The following DNAH5 variants were observed in gnomAD, a reference collection of about 807,000 sequenced individuals.
DNAH5 encodes axonemal beta dynein heavy chain 5.
Under a neutral mutation model 518.2 loss-of-function variants are expected in DNAH5, and 372 were observed. The observed-to-expected ratio is 0.72, with a 90% confidence interval of 0.66 to 0.78. DNAH5 has a LOEUF of 0.78. DNAH5 is among the 30% of genes least tolerant of loss of function. DNAH5 has a pLI of 0.00. For missense variants in DNAH5, 5,523 were observed against 5,687.0 expected, an observed-to-expected ratio of 0.97 and a Z score of 0.93; for synonymous variants, 2,039 against 2,025.9, an observed-to-expected ratio of 1.01 and a Z score of -0.17.
intron 1 of DNAH5, among the ~76,000 whole-genome samples, chr5:13,940,188 A>G (rs1779335578): frequency 6.6e-6 from 1 of 152,074 alleles, no homozygotes; most frequent in Non-Finnish European, 1.5e-5. Context: ...ACCTCCCCCG[A>G]CATTCCATCA....
chr5:13,812,634 G>T (rs1167453957), intron 43 of DNAH5, among the ~76,000 whole-genome samples: 1 of 152,070 alleles, frequency 6.6e-6, no homozygotes, highest in Non-Finnish European at 1.5e-5. Context: ...AGAAAACAAA[G>T]ATTTACTACA....
At chr5:13,693,275 G>T (rs1365207518) in intron 78 of DNAH5, among the ~76,000 whole-genome samples, 1 of 152,078 alleles carries the variant, frequency 6.6e-6, no homozygotes, top group Non-Finnish European at 1.5e-5. Flanking sequence ...TACAAACATG[G>T]GCACTGAAAC....
intron 65 of DNAH5, among the ~76,000 whole-genome samples, chr5:13,741,930 A>T (rs1748607019): frequency 1.3e-5 from 2 of 152,168 alleles, no homozygotes; most frequent in South Asian, 4.1e-4. Flanking sequence ...ATTATGGTGA[A>T]GATATCACCA....
chr5:14,005,896 A>G (rs1396717824), intron 1 of DNAH5, among the ~76,000 whole-genome samples: 2 of 152,316 alleles, frequency 1.3e-5, no homozygotes, highest in East Asian at 3.9e-4. Flanking sequence ...TGGCAGAATG[A>G]AGGAGGCAGC....
chr5:13,914,402 T>A, intron 10 of DNAH5, 118 bp downstream of exon 10: 1 of 1,249,574 alleles, frequency 8.0e-7, no homozygotes, highest in South Asian at 1.4e-5. Context: ...TCTTCATAGT[T>A]AAGAATCACT....
intron 12 of DNAH5, 120 bp from the exon 13 acceptor site, chr5:13,902,258 A>C: frequency 1.4e-6 from 1 of 719,950 alleles, no homozygotes; most frequent in Non-Finnish European, 2.3e-6. Flanking sequence ...ATGTAACCGA[A>C]AATTGAATGA....
chr5:13,777,468 A>G, intron 53 of DNAH5, 113 bp from the exon 54 acceptor site: 1 of 848,820 alleles, frequency 1.2e-6, no homozygotes, highest in Non-Finnish European at 1.9e-6. Context: ...ATTTTGTTCT[A>G]TCGTATACGT....
chr5:13,842,441 A>G (rs145949646), intron 32 of DNAH5, among the ~76,000 whole-genome samples: 18,235 of 97,288 alleles, frequency 0.19, 2,613 homozygotes, highest in East Asian at 0.44. Flanking sequence ...GAAAGAAAGA[A>G]AGAAAGAAAG....
At chr5:13,786,129 GCCAAAT>G in intron 52 of DNAH5, 44 bp downstream of exon 52, 1 of 1,590,970 alleles carries the variant, frequency 6.3e-7, no homozygotes, top group Non-Finnish European at 8.6e-7. Context: ...ATGGTGTGAA[GCCAAAT>G]GTCTGTCACC....
In DNAH5 at chr5:13,792,182, C is replaced by G; in HGVS notation, c.8260G>C (p.Gly2754Arg). The G allele has an allele frequency of 6.2e-7, 1 of 1,613,910 alleles. No homozygotes were observed. Among genetic ancestry groups the G allele is most frequent in the Non-Finnish European group, 8.5e-7 (1 of 1,179,944 alleles). ...IGVGHYCTQR[G>R]FSEEVRDSVT... ...GAATCTCTCACTTCTTCTGAGAAACCCCTCTGAGTACAGTAGTGGCCTACC... is the reference window on the plus strand; with the variant it reads ...GAATCTCTCACTTCTTCTGAGAAACGCCTCTGAGTACAGTAGTGGCCTACC... Residue 2754 changes from glycine (G) to arginine (R), a missense_variant, in exon 50 of 79, where the codon GGT becomes CGT. Physicochemically the swap from Gly to Arg is moderately radical, Grantham distance 125 (BLOSUM62 -2). Transcript: ENST00000265104.
At chr5:13,846,597 T>C (rs928087378) in intron 31 of DNAH5, among the ~76,000 whole-genome samples, 2 of 152,046 alleles carry the variant, frequency 1.3e-5, no homozygotes, top group East Asian at 1.9e-4. Context: ...AGGGCACTCA[T>C]TGAGAAAAAG....
intron 24 of DNAH5, among the ~76,000 whole-genome samples, chr5:13,870,044 C>CA (rs199652733): frequency 0.011 from 1,731 of 150,916 alleles, 34 homozygotes; most frequent in African/African-American, 0.039. Flanking sequence ...GACTTCACTG[C>CA]AAAAAAAAGA....
rs569633246 is a variant in DNAH5 at position 13,893,624 on chromosome 5, G to GA, written c.2431+1025dup. On this transcript the variant is annotated intron_variant, in intron 16 of 78. Transcript: ENST00000265104. ...AAATTATCAATTTACAATAAAAAAA[G>GA]AAAAAAAATTAAACAGCCTGATATT... Among the ~76,000 whole-genome samples the GA allele has an allele frequency of 2.6e-3, 402 of 151,708 alleles. 1 individual carries two copies. The highest frequency in any genetic ancestry group is 5.0e-3 in the Admixed American group (76 of 15,266).
At chr5:13,751,742 G>A (rs1447121876) in intron 64 of DNAH5, among the ~76,000 whole-genome samples, 1 of 152,112 alleles carries the variant, frequency 6.6e-6, no homozygotes, top group African/African-American at 2.4e-5. Flanking sequence ...TGTTTAGGGG[G>A]TAGAGCTGGG....
intron 76 of DNAH5, among the ~76,000 whole-genome samples, chr5:13,702,486 G>GC (rs771656903): frequency 1.2e-4 from 18 of 152,188 alleles, no homozygotes; most frequent in Non-Finnish European, 1.9e-4. Context: ...TAATGAGAGA[G>GC]TGCCCCTGAC....
At chr5:13,948,045 C>G (rs1034056729), upstream of DNAH5, among the ~76,000 whole-genome samples, 1 of 152,174 alleles carries the variant, frequency 6.6e-6, no homozygotes, top group Non-Finnish European at 1.5e-5. Context: ...CCAAGTGGCA[C>G]CACAAGGCCA....
intron 50 of DNAH5, among the ~76,000 whole-genome samples, chr5:13,789,850 T>C (rs1756668770): frequency 6.6e-6 from 1 of 152,238 alleles, no homozygotes; most frequent in African/African-American, 2.4e-5. Flanking sequence ...AAACTGACTC[T>C]CACTTCTCTG....
intron 74 of DNAH5, among the ~76,000 whole-genome samples, chr5:13,715,055 C>T (rs574991090): frequency 1.3e-5 from 2 of 152,042 alleles, no homozygotes; most frequent in African/African-American, 2.4e-5. Flanking sequence ...AAAGGCAGCA[C>T]GTGGGAGTCA....
At chr5:13,794,834 G>A (rs771023671) in intron 47 of DNAH5, among the ~76,000 whole-genome samples, 3 of 152,220 alleles carry the variant, frequency 2.0e-5, no homozygotes, top group Non-Finnish European at 4.4e-5. Flanking sequence ...GGGTGTGGTG[G>A]CAGATGCCTG....
Sources: allele counts gnomAD v4.1 joint callset (sites outside exome capture counted in the v4.1 genomes callset), GRCh38; gene constraint gnomAD v4.1.1; transcripts MANE v1.5; gene names NCBI Gene and HGNC (gene_info 2026-07-23, HGNC 2026-07-21).